The following ASH2L variants were observed in gnomAD, a reference collection of about 807,000 sequenced individuals.
ASH2L encodes ASH2 like, histone lysine methyltransferase complex subunit.
Under a neutral mutation model 81.1 loss-of-function variants are expected in ASH2L, and 30 were observed. The observed-to-expected ratio is 0.37, with a 90% confidence interval of 0.28 to 0.50. The LOEUF is 0.50. Among genes scored for constraint, ASH2L ranks in the 20% least tolerant of loss-of-function variants. ASH2L has a pLI of 0.95. For missense variants in ASH2L, 559 were observed against 792.1 expected (o/e 0.71, Z 3.53); for synonymous variants, 273 against 279.9 (o/e 0.98, Z 0.24).
At chr8:38,120,656 T>C (rs2130520467) in intron 9 of ASH2L, among the ~76,000 whole-genome samples, 1 of 79,626 alleles carries the variant, frequency 1.3e-5, no homozygotes, top group South Asian at 4.8e-4. Flanking sequence ...ACCAGCTCAG[T>C]TTCATAGACA....
chr8:38,114,541 AAG>A (rs1810815877), intron 6 of ASH2L, among the ~76,000 whole-genome samples: 1 of 152,184 alleles, frequency 6.6e-6, no homozygotes, highest in Non-Finnish European at 1.5e-5. Context: ...GTACTTTTCC[AAG>A]AATAATTTTG....
At chr8:38,114,718 C>T in intron 6 of ASH2L, 187 bp from the exon 7 acceptor site, 1 of 554,912 alleles carries the variant, frequency 1.8e-6, no homozygotes. Flanking sequence ...AAAACTTGGG[C>T]ACTCTTTGTG....
At chr8:38,135,794 A>G (rs1217843203) in intron 14 of ASH2L, 28 bp downstream of exon 14, 9 of 1,530,650 alleles carry the variant, frequency 5.9e-6, no homozygotes, top group Non-Finnish European at 7.1e-6. Context: ...TCCCATGAGC[A>G]AAACTTGAGG....
chr8:38,113,335 A>G (rs570401927), intron 5 of ASH2L, among the ~76,000 whole-genome samples: 12 of 152,114 alleles, frequency 7.9e-5, no homozygotes, highest in Non-Finnish European at 1.6e-4. Context: ...GCCCTATCAG[A>G]CTGACTCCTG....
chr8:38,131,127 G>A (rs905712243), intron 12 of ASH2L, among the ~76,000 whole-genome samples: 1 of 152,096 alleles, frequency 6.6e-6, no homozygotes, highest in Non-Finnish European at 1.5e-5. Context: ...AAATTTGATA[G>A]TGGAAATACT....
intron 3 of ASH2L, among the ~76,000 whole-genome samples, chr8:38,109,635 T>A (rs1810600298): frequency 1.3e-5 from 2 of 152,240 alleles, no homozygotes; most frequent in South Asian, 4.1e-4. Context: ...CCTCTTCCTC[T>A]CTTGCCTTCA....
At chr8:38,120,363 C>CT (rs1369248365) in intron 9 of ASH2L, among the ~76,000 whole-genome samples, 5 of 152,048 alleles carry the variant, frequency 3.3e-5, no homozygotes, top group Non-Finnish European at 7.4e-5. Flanking sequence ...CTTCTCATGC[C>CT]TTTTCCCTTC....
rs1409248639 is a variant in ASH2L, at chr8:38,139,420, T to C, written c.*349T>C. The stretch of plus-strand genomic sequence containing the variant: ...AATATTGTCCGAGTAACTAACTTAT[T>C]TAAAAGACATTTCCTTCTGTGGGCA... On this transcript the variant is annotated 3_prime_UTR_variant, in exon 16 of 16. Coordinates refer to ENST00000343823, the MANE Select transcript of ASH2L (RefSeq NM_004674.5). 2 of 176,788 alleles carry C rather than the reference T, an allele frequency of 1.1e-5. No homozygotes were observed. The highest frequency in any genetic ancestry group is 1.2e-4 in the Admixed American group (2 of 16,974). 11.0% of individuals were successfully genotyped at this position (176,788 alleles called of 1,614,324 possible).
intron 10 of ASH2L, among the ~76,000 whole-genome samples, chr8:38,126,515 G>T (rs1206747145): frequency 1.3e-5 from 2 of 152,132 alleles, no homozygotes; most frequent in African/African-American, 4.8e-5. Context: ...GAACATTTGG[G>T]AAAACTGAGT....
At chr8:38,126,534 C>T (rs945163275) in intron 10 of ASH2L, among the ~76,000 whole-genome samples, 1 of 152,148 alleles carries the variant, frequency 6.6e-6, no homozygotes, top group African/African-American at 2.4e-5. Context: ...GTGAAGCACA[C>T]ACTAGGACTC....
chr8:38,113,171 T>C (rs1488212535), intron 5 of ASH2L, among the ~76,000 whole-genome samples: 1 of 152,086 alleles, frequency 6.6e-6, no homozygotes, highest in East Asian at 1.9e-4. Context: ...GGTTTCACCA[T>C]GTTGGCCAGG....
At chr8:38,133,400 A>G (rs1802137624) in intron 12 of ASH2L, 54 bp from the exon 13 acceptor site, 4 of 1,313,926 alleles carry the variant, frequency 3.0e-6, no homozygotes, top group Non-Finnish European at 3.2e-6. Context: ...CGTTTTTTTC[A>G]TGATGATGGA....
chr8:38,105,855 C>A, intron 1 of ASH2L, 117 bp downstream of exon 1: 1 of 1,435,478 alleles, frequency 7.0e-7, no homozygotes, highest in Non-Finnish European at 9.1e-7. Flanking sequence ...CCGCCAATGG[C>A]TCGCCCTGCC....
chr8:38,112,941 A>G (rs1670706500), intron 5 of ASH2L, among the ~76,000 whole-genome samples: 1 of 151,622 alleles, frequency 6.6e-6, no homozygotes, highest in Non-Finnish European at 1.5e-5. Context: ...TTTAAAAATC[A>G]GTGTGTTATA....
Position 38,106,463 on chromosome 8 carries a change from T to G in ASH2L, c.255+19T>G. On this transcript the variant is annotated intron_variant, in intron 2 of 15. Transcript: ENST00000343823. ...TACACTAGTAAGTATTTTTAGTTGT[T>G]TGCAAGACAAAATAGGGTTTGTTTT... 6.3e-7 allele frequency: 1 copy of G among 1,597,850 alleles called. No individual in the cohort carries two copies. The highest frequency in any genetic ancestry group is 8.6e-7 in the Non-Finnish European group (1 of 1,167,248).
chr8:38,105,910 C>T, intron 1 of ASH2L, 172 bp downstream of exon 1: 1 of 1,467,196 alleles, frequency 6.8e-7, no homozygotes, highest in South Asian at 1.4e-5. Context: ...TCTCGGATAA[C>T]GCCCCTTCCG....
chr8:38,107,386 C>T (rs1392999824), intron 3 of ASH2L, among the ~76,000 whole-genome samples: 1 of 152,016 alleles, frequency 6.6e-6, no homozygotes, highest in East Asian at 1.9e-4. Context: ...GGGTATTGCC[C>T]CTCCTTTTGA....
chr8:38,123,529 G>A (rs779995975), intron 10 of ASH2L, among the ~76,000 whole-genome samples: 17 of 152,202 alleles, frequency 1.1e-4, no homozygotes, highest in Non-Finnish European at 2.5e-4. Context: ...ACTTCCTTTA[G>A]TGGGTCATGT....
In ASH2L at chr8:38,116,729, A is replaced by T; in HGVS notation, c.853+4A>T. The T allele has an allele frequency of 6.2e-7, 1 of 1,609,534 alleles. No homozygotes were observed. Among genetic ancestry groups the T allele is most frequent in the Non-Finnish European group, 8.5e-7 (1 of 1,177,448 alleles). On this transcript the variant is annotated splice_donor_region_variant and intron_variant, in intron 8 of 15. Transcript: ENST00000343823. The stretch of plus-strand genomic sequence containing the variant: ...TCTACTAGTGGGAATTTAAATGGTA[A>T]GTGTTTACATATCTCATTGCTGAAA...
Sources: gnomAD v4.1 joint callset for allele counts (sites outside exome capture counted in the v4.1 genomes callset) on GRCh38, gnomAD v4.1.1 for gene constraint, MANE v1.5 for transcripts, NCBI Gene and HGNC (gene_info 2026-07-23, HGNC 2026-07-21) for gene names.